CCM2L: variants seen among roughly 807,000 people sequenced by gnomAD.
The protein encoded by CCM2L is cerebral cavernous malformations 2 protein-like.
A neutral mutation model predicts 54.1 loss-of-function variants in CCM2L; 36 were observed. The observed-to-expected ratio is 0.67, with a 90% CI of 0.51 to 0.88. The LOEUF (loss-of-function observed/expected upper bound fraction) is 0.88, where lower values mean the gene tolerates loss of function less well. Among genes scored for constraint, CCM2L ranks in the 40% least tolerant of loss-of-function variants. The pLI is 0.00. For missense variants in CCM2L, 700 were observed against 812.1 expected (o/e 0.86, Z 1.68); for synonymous variants, 351 against 359.3 (o/e 0.98, Z 0.26).
rs1047472940 is a variant in CCM2L at position 32,031,003 on chromosome 20, A to T, written c.1405A>T (p.Met469Leu). 6.1e-6 allele frequency: 8 copies of T among 1,304,114 alleles called. No individual in the cohort carries two copies. Among genetic ancestry groups the T allele is most frequent in the Non-Finnish European group, 8.1e-6 (8 of 988,904 alleles). 80.8% of individuals were successfully genotyped at this position (1,304,114 alleles called of 1,614,324 possible). A position where few individuals can be genotyped will look rare whatever the true frequency, so the allele number is the denominator to read the frequency against. Residue 469 changes from methionine (M) to leucine (L), a missense_variant and splice_region_variant, in exon 10 of 10, where the codon ATG (methionine) becomes TTG (leucine). Transcript: ENST00000452892. ...TCACCATGCCCCTCGGCTCGCAGGG[A>T]TGCGGCCCTTCATCCCGGACCAGGA... The part of the protein sequence containing the change: ...GDRRKFLLLG[M>L]RPFIPDQDIG...
At position 32,031,564 on chromosome 20, in the gene CCM2L, G is replaced by GGCT. The variant is rs2064929972; in HGVS notation, c.*252_*254dup. On this transcript the variant is annotated 3_prime_UTR_variant, in exon 10 of 10. Coordinates refer to ENST00000452892, the MANE Select transcript of CCM2L (RefSeq NM_001365692.1). ...CTCCTGGGCCGCTCTGCCGGGCTGG[G>GGCT]GCTGAGCAGCGATCCTGCTTTGTCC... The GGCT allele has an allele frequency of 3.5e-6, 1 of 287,324 alleles. No homozygotes were observed. Among genetic ancestry groups the GGCT allele is most frequent in the Non-Finnish European group, 6.7e-6 (1 of 149,254 alleles). 17.8% of individuals were successfully genotyped at this position (287,324 alleles called of 1,614,324 possible). A position where few individuals can be genotyped will look rare whatever the true frequency, so the allele number is the denominator to read the frequency against.
In CCM2L at chr20:32,031,393, C is replaced by A. The variant is rs184780954; in HGVS notation, c.*79C>A. 9.1e-5 allele frequency: 103 copies of A among 1,133,032 alleles called. No individual in the cohort carries two copies. In the Admixed American group the frequency reaches 3.4e-3, roughly 37 times the overall value. 70.2% of individuals were successfully genotyped at this position (1,133,032 alleles called of 1,614,324 possible). On this transcript the variant is annotated 3_prime_UTR_variant, in exon 10 of 10. Coordinates refer to ENST00000452892, the MANE Select transcript of CCM2L (RefSeq NM_001365692.1). Reference sequence around the variant, plus strand: ...TGCTTCGGGGACCCTATCCCCAGGGCCCCCCCATCACACCTGGCGGGGCCG... The same window carrying A: ...TGCTTCGGGGACCCTATCCCCAGGGACCCCCCATCACACCTGGCGGGGCCG...
chr20:32,030,893 C>A, intron 9 of CCM2L, 108 bp from the exon 10 acceptor site: 1 of 985,716 alleles, frequency 1.0e-6, no homozygotes, highest in Non-Finnish European at 1.4e-6. Flanking sequence ...GCCACACAGC[C>A]AGTGAGTGAC....
intron 7 of CCM2L, among the ~76,000 whole-genome samples, chr20:32,027,204 A>G (rs2064870604): frequency 6.6e-6 from 1 of 152,208 alleles, no homozygotes; most frequent in East Asian, 1.9e-4. Context: ...TCACCTAGTT[A>G]TATTACTAAG....
Position 32,022,728 on chromosome 20 carries a change from TGA to T in CCM2L, c.1004_1005del (p.Glu335ValfsTer14). 2 of 1,614,028 alleles carry T rather than the reference TGA, an allele frequency of 1.2e-6. No homozygotes were observed. The highest frequency in any genetic ancestry group is 3.3e-5 in the Admixed American group (2 of 60,024). On this transcript the variant is annotated frameshift_variant, in exon 6 of 10. Transcript: ENST00000452892. LOFTEE classifies it high-confidence loss of function. ...FQIIYGDQSI[E>X]CVDRAGYHYT... is the part of the protein sequence containing the mutation. ...AGATCATCTACGGGGACCAGAGTATTGAGTGTGTGGACCGGGCTGGCTACCAC... is the reference window on the plus strand; with the variant it reads ...AGATCATCTACGGGGACCAGAGTATTGTGTGTGGACCGGGCTGGCTACCAC...
intron 6 of CCM2L, 24 bp downstream of exon 6, chr20:32,022,819 C>T (rs767842656): frequency 6.2e-7 from 1 of 1,610,814 alleles, no homozygotes; most frequent in Non-Finnish European, 8.5e-7. Context: ...CTCCTGGCCT[C>T]CCCTCCTGTG....
At chr20:32,028,846 C>A in intron 7 of CCM2L, 149 bp from the exon 8 acceptor site, 1 of 950,306 alleles carries the variant, frequency 1.1e-6, no homozygotes, top group Non-Finnish European at 1.6e-6. Context: ...AGCACAGTGA[C>A]AGATGAGACT....
Position 32,031,632 on chromosome 20 carries a change from CGG to C in CCM2L, c.*320_*321del, listed in dbSNP as rs1307228533. 1 of 165,302 alleles carries C rather than the reference CGG, an allele frequency of 6.0e-6. No homozygotes were observed. Among genetic ancestry groups the C allele is most frequent in the Non-Finnish European group, 1.3e-5 (1 of 75,964 alleles). The allele number at this position is 165,302 out of a possible 1,614,324, so 10.2% of individuals were successfully genotyped here. On this transcript the variant is annotated 3_prime_UTR_variant, in exon 10 of 10. Coordinates refer to ENST00000452892, the MANE Select transcript of CCM2L (RefSeq NM_001365692.1). ...CAGCCCCAGAACACACCCTCCTCCC[CGG>C]GACGCCGCAGCTTTCTGGAGGCTGA...
intron 1 of CCM2L, among the ~76,000 whole-genome samples, chr20:32,014,378 G>A (rs1350130637): frequency 6.6e-6 from 1 of 150,922 alleles, no homozygotes; most frequent in Non-Finnish European, 1.5e-5. Context: ...TGATTCTCCT[G>A]ACTCAGCCTC....
chr20:32,017,655 G>A (rs2064751144), intron 2 of CCM2L, 145 bp from the exon 3 acceptor site: 1 of 749,364 alleles, frequency 1.3e-6, no homozygotes, highest in Non-Finnish European at 2.4e-6. Flanking sequence ...CTTCTATTAA[G>A]GGCTCAGTAA....
chr20:32,019,313 C>T lies in CCM2L; in HGVS notation c.837C>T (p.Ser279=). 2 of 1,324,000 alleles carry T rather than the reference C, an allele frequency of 1.5e-6. No individual in the cohort carries two copies. Among genetic ancestry groups the T allele is most frequent in the Non-Finnish European group, 1.9e-6 (2 of 1,037,042 alleles). 82.0% of individuals were successfully genotyped at this position (1,324,000 alleles called of 1,614,324 possible). ...AGGCGGGCAGCGGCGGGGGAGGCAG[C>T]TGGGAGCGGCGCCACCCCGGCCCCA... ...RRQAGSGGGG[S]WERRHPGPNP... The change falls in exon 5 of 10, where the codon AGC becomes AGT. Residue 279 remains serine, a synonymous_variant. Transcript: ENST00000452892.
Position 32,019,336 on chromosome 20 carries a change from C to G in CCM2L, c.860C>G (p.Pro287Arg), listed in dbSNP as rs760395065. 1 of 1,454,568 alleles carries G rather than the reference C, an allele frequency of 6.9e-7. No homozygotes were observed. Among genetic ancestry groups the G allele is most frequent in the South Asian group, 1.3e-5 (1 of 75,372 alleles). 90.1% of individuals were successfully genotyped at this position (1,454,568 alleles called of 1,614,324 possible). ...AGCTGGGAGCGGCGCCACCCCGGCC[C>G]CAACCCGCTCGACCCGCAGGACCCC... ...GGSWERRHPG[P>R]NPLDPQDPSP... The change falls in exon 5 of 10, where the codon CCC (proline) becomes CGC (arginine). Residue 287 changes from proline (P) to arginine (R), a missense_variant. Coordinates refer to ENST00000452892, the MANE Select transcript of CCM2L (RefSeq NM_001365692.1).
intron 7 of CCM2L, among the ~76,000 whole-genome samples, chr20:32,027,061 C>A (rs1187302038): frequency 3.3e-5 from 5 of 152,228 alleles, no homozygotes; most frequent in Admixed American, 3.3e-4. Context: ...AAATTTTAAA[C>A]AATTCAGTTG....
intron 1 of CCM2L, among the ~76,000 whole-genome samples, chr20:32,014,235 ATATG>A (rs1308703535): frequency 6.9e-6 from 1 of 145,026 alleles, no homozygotes; most frequent in African/African-American, 2.5e-5. Flanking sequence ...TGATTTATAT[ATATG>A]TGTGTACATA....
At chr20:32,014,259 ATATT>A (rs1371383742) in intron 1 of CCM2L, among the ~76,000 whole-genome samples, 5 of 138,946 alleles carry the variant, frequency 3.6e-5, no homozygotes, top group African/African-American at 2.7e-5. Flanking sequence ...ATATATATAT[ATATT>A]TTTTTTTTTT....
Position 32,015,064 on chromosome 20 carries a change from AG to A in CCM2L, c.193del (p.Val65SerfsTer10). ...QILLCDYLEK[E>X]VKFLGHLTWV... Reference sequence around the variant, plus strand: ...CTGCTGTGTGACTACCTGGAGAAAGAGGTCAAGGTGCGTGCAGGATGAGAAG... The same window carrying A: ...CTGCTGTGTGACTACCTGGAGAAAGAGTCAAGGTGCGTGCAGGATGAGAAG... On this transcript the variant is annotated frameshift_variant, in exon 2 of 10. Coordinates refer to ENST00000452892, the MANE Select transcript of CCM2L (RefSeq NM_001365692.1). LOFTEE classifies it high-confidence loss of function. 6.6e-7 allele frequency: 1 copy of A among 1,518,044 alleles called. No individual in the cohort carries two copies. Among genetic ancestry groups the A allele is most frequent in the South Asian group, 1.3e-5 (1 of 77,798 alleles). The allele number at this position is 1,518,044 out of a possible 1,614,324, so 94.0% of individuals were successfully genotyped here.
At chr20:32,019,986 C>T (rs2064787980) in intron 5 of CCM2L, among the ~76,000 whole-genome samples, 3 of 152,172 alleles carry the variant, frequency 2.0e-5, no homozygotes, top group African/African-American at 7.2e-5. Flanking sequence ...TTCCTTCCCC[C>T]TCCGTCTTCC....
chr20:32,017,168 A>G lies in CCM2L; in HGVS notation c.199-632A>G, dbSNP rs553626211. Among the ~76,000 whole-genome samples the G allele has an allele frequency of 5.5e-4, 84 of 152,322 alleles. 1 individual carries two copies. The South Asian group carries it at 0.017, about 30-fold the overall frequency. On this transcript the variant is annotated intron_variant, in intron 2 of 9. Transcript: ENST00000452892. ...CAAAAAAAAGTTAACTATTATATTGAGTAACATTTAAGTGCTAACATTAGG... is the reference window on the plus strand; with the variant it reads ...CAAAAAAAAGTTAACTATTATATTGGGTAACATTTAAGTGCTAACATTAGG...
chr20:32,026,567 A>G (rs1259608043), intron 7 of CCM2L, among the ~76,000 whole-genome samples: 3 of 152,148 alleles, frequency 2.0e-5, no homozygotes, highest in African/African-American at 7.2e-5. Flanking sequence ...AAAGCTGGAA[A>G]ATTTAGGATT....
Sources: gnomAD v4.1 joint callset for allele counts (sites outside exome capture counted in the v4.1 genomes callset) on GRCh38, gnomAD v4.1.1 for gene constraint, MANE v1.5 for transcripts, NCBI Gene and HGNC (gene_info 2026-07-23, HGNC 2026-07-21) for gene names.